Variants in FRY observed in about 807,000 individuals in gnomAD.
FRY encodes FRY microtubule binding protein.
A neutral mutation model predicts 348.4 loss-of-function variants in FRY; 128 were observed. That is an observed-to-expected ratio of 0.37 (90% CI 0.32 to 0.43). FRY has a LOEUF of 0.43. Ranked by LOEUF, FRY falls within the 20% of genes least tolerant of loss-of-function variation. The pLI, the probability that FRY is intolerant of heterozygous loss-of-function variation, is 1.00. For missense variants in FRY, 2,736 were observed against 3,695.2 expected (o/e 0.74, Z 6.73); for synonymous variants, 1,370 against 1,374.7 (o/e 1.00, Z 0.08).
chr13:32,041,295 T>C (rs1052058380), intron 1 of FRY, among the ~76,000 whole-genome samples: 1 of 139,760 alleles, frequency 7.2e-6, no homozygotes, highest in African/African-American at 2.7e-5. Flanking sequence ...TTTTTTTTTT[T>C]TTTTTTTTTT....
intron 8 of FRY, among the ~76,000 whole-genome samples, chr13:32,134,563 A>G (rs1879582554): frequency 6.6e-6 from 1 of 152,188 alleles, no homozygotes; most frequent in South Asian, 2.1e-4. Flanking sequence ...CACACACACT[A>G]AGTAATAAAT....
intron 11 of FRY, among the ~76,000 whole-genome samples, chr13:32,140,879 T>C (rs1030430137): frequency 2.0e-5 from 3 of 152,164 alleles, no homozygotes; most frequent in Non-Finnish European, 2.9e-5. Flanking sequence ...AATGGAGACA[T>C]TGAGTAATAT....
At chr13:32,204,334 C>T (rs1420079829) in intron 31 of FRY, among the ~76,000 whole-genome samples, 3 of 151,250 alleles carry the variant, frequency 2.0e-5, no homozygotes, top group Admixed American at 2.0e-4. Flanking sequence ...AGATGAGAAA[C>T]TAAGGTTTAG....
At chr13:32,072,741 A>G (rs1380387149) in intron 1 of FRY, among the ~76,000 whole-genome samples, 1 of 152,222 alleles carries the variant, frequency 6.6e-6, no homozygotes, top group Non-Finnish European at 1.5e-5. Flanking sequence ...CTTAGGAGAA[A>G]AGGCATTTGA....
chr13:32,053,766 C>T (rs1593563119), intron 1 of FRY, among the ~76,000 whole-genome samples: 1 of 152,156 alleles, frequency 6.6e-6, no homozygotes, highest in African/African-American at 2.4e-5. Flanking sequence ...TATGGAAAAA[C>T]ACATGAGCTA....
In FRY at chr13:32,178,973, A is replaced by G. The variant is rs1442487679; in HGVS notation, c.2811A>G (p.Arg937=). The G allele has an allele frequency of 6.2e-7, 1 of 1,613,964 alleles. No individual in the cohort carries two copies. Among genetic ancestry groups the G allele is most frequent in the East Asian group, 2.2e-5 (1 of 44,874 alleles). The change falls in exon 22 of 61, where the codon AGA becomes AGG. Residue 937 remains arginine, a synonymous_variant. Transcript: ENST00000542859. ...KPSIMSPGHL[R]ASTPEIMATT... ...GTATTATGAGCCCAGGACACTTAAG[A>G]GCTTCCACTCCAGAAATAATGGCGA...
intron 2 of FRY, among the ~76,000 whole-genome samples, chr13:32,089,488 C>T (rs760094375): frequency 3.9e-5 from 6 of 152,026 alleles, no homozygotes; most frequent in Non-Finnish European, 5.9e-5. Flanking sequence ...GTCTGGTGGG[C>T]ACAGTGGCTC....
chr13:32,036,877 A>C (rs887313763), intron 1 of FRY, among the ~76,000 whole-genome samples: 2 of 152,168 alleles, frequency 1.3e-5, no homozygotes, highest in African/African-American at 4.8e-5. Context: ...AAAGGACCAA[A>C]GGATAAAGAA....
At chr13:32,202,071 C>T (rs751917459) in intron 30 of FRY, 31 bp downstream of exon 30, 2 of 1,240,746 alleles carry the variant, frequency 1.6e-6, no homozygotes, top group African/African-American at 2.9e-5. Context: ...TAGAAAATAT[C>T]CATCCTTGAG....
At chr13:32,195,904 C>G (rs1883646465) in intron 29 of FRY, among the ~76,000 whole-genome samples, 1 of 152,158 alleles carries the variant, frequency 6.6e-6, no homozygotes, top group Non-Finnish European at 1.5e-5. Context: ...CAGATAGTGA[C>G]CAGCATTTCT....
chr13:32,216,194 A>G (rs1884980590), intron 35 of FRY, among the ~76,000 whole-genome samples: 1 of 152,192 alleles, frequency 6.6e-6, no homozygotes, highest in African/African-American at 2.4e-5. Flanking sequence ...ATGTTAAAAG[A>G]CATCAAAGAT....
At chr13:32,277,036 C>T (rs1888569452) in intron 57 of FRY, among the ~76,000 whole-genome samples, 1 of 152,172 alleles carries the variant, frequency 6.6e-6, no homozygotes. Context: ...ATCTAGATCA[C>T]AAAATGTTAG....
chr13:32,208,044 G>GCATT (rs1566133713), intron 31 of FRY, among the ~76,000 whole-genome samples: 2 of 152,264 alleles, frequency 1.3e-5, no homozygotes, highest in Non-Finnish European at 2.9e-5. Flanking sequence ...GCTGCTGGCA[G>GCATT]TGAAACAATG....
chr13:32,225,743 C>G (rs377350417), intron 38 of FRY, 46 bp from the exon 39 acceptor site: 2 of 1,362,614 alleles, frequency 1.5e-6, no homozygotes, highest in Non-Finnish European at 2.1e-6. Context: ...GGAATCTAAA[C>G]GAGCTTAACG....
chr13:32,155,448 A>T, intron 14 of FRY, 43 bp from the exon 15 acceptor site: 1 of 1,423,412 alleles, frequency 7.0e-7, no homozygotes, highest in South Asian at 1.1e-5. Flanking sequence ...CCACTACAAT[A>T]ATTGGGCCTT....
chr13:32,296,843 G>C lies in FRY; in HGVS notation c.*1383G>C, dbSNP rs546714359. On this transcript the variant is annotated 3_prime_UTR_variant, in exon 61 of 61. Transcript: ENST00000542859. ...CTCTTTGGAAGTTGGCATCAAAACT[G>C]TGAGCTTCAACCAATTCTCTGTAAT... 6.6e-6 allele frequency: 1 copy of C among 152,328 alleles called. No individual in the cohort carries two copies. Among genetic ancestry groups the C allele is most frequent in the African/African-American group, 2.4e-5 (1 of 41,564 alleles). The allele number at this position is 152,328 out of a possible 1,614,324, so 9.4% of individuals were successfully genotyped here. A position where few individuals can be genotyped will look rare whatever the true frequency, so the allele number is the denominator to read the frequency against.
intron 40 of FRY, among the ~76,000 whole-genome samples, chr13:32,229,675 C>A (rs1458551390): frequency 6.6e-6 from 1 of 152,206 alleles, no homozygotes. Flanking sequence ...GAAGTTCTCC[C>A]ACCTGGCTCC....
rs946888491 is a variant in FRY, at chr13:32,049,337, T to C, written c.70+17472T>C. Among the ~76,000 whole-genome samples the C allele has an allele frequency of 1.3e-4, 20 of 152,262 alleles. No individual in the cohort carries two copies. The South Asian group carries it at 1.7e-3, about 13-fold the overall frequency. ...CCAAGTTCCCTGAAGGAGTGACAGATTGTGTATACAAAGGCAAGTTGGGTC... is the reference window on the plus strand; with the variant it reads ...CCAAGTTCCCTGAAGGAGTGACAGACTGTGTATACAAAGGCAAGTTGGGTC... On this transcript the variant is annotated intron_variant, in intron 1 of 60. Coordinates refer to ENST00000542859, the MANE Select transcript of FRY (RefSeq NM_023037.3).
intron 31 of FRY, among the ~76,000 whole-genome samples, chr13:32,202,912 G>A (rs1452692898): frequency 1.1e-4 from 16 of 149,250 alleles, no homozygotes; most frequent in Admixed American, 4.0e-4. Context: ...TTGCGCCACC[G>A]TACCCCAACC....
Sources: allele counts gnomAD v4.1 joint callset (sites outside exome capture counted in the v4.1 genomes callset), GRCh38; gene constraint gnomAD v4.1.1; transcripts MANE v1.5; gene names NCBI Gene and HGNC (gene_info 2026-07-23, HGNC 2026-07-21).